Variants in GFRA1 observed in about 807,000 individuals in gnomAD.
The protein encoded by GFRA1 is GDNF family receptor alpha 1.
Under a neutral mutation model 51.6 loss-of-function variants are expected in GFRA1, and 16 were observed. That is an observed-to-expected ratio of 0.31 (90% CI 0.21 to 0.47). The LOEUF is 0.47. GFRA1 is among the 20% of genes least tolerant of loss of function. The pLI is 1.00. For missense variants in GFRA1, 530 were observed against 594.3 expected (o/e 0.89, Z 1.13); for synonymous variants, 270 against 241.3 (o/e 1.12, Z -1.10).
intron 6 of GFRA1, among the ~76,000 whole-genome samples, chr10:116,121,885 G>A (rs1957661547): frequency 1.3e-5 from 2 of 152,124 alleles, no homozygotes; most frequent in African/African-American, 4.8e-5. Flanking sequence ...CGGCCTCACA[G>A]AGATGGATTG....
chr10:116,248,240 G>A lies in GFRA1; in HGVS notation c.418+21263C>T, dbSNP rs150741467. 1.9e-3 allele frequency among the ~76,000 whole-genome samples: 291 copies of A among 152,310 alleles called. 1 individual carries two copies. The highest frequency in any genetic ancestry group is 2.7e-3 in the Non-Finnish European group (184 of 68,026). ...GCAGCCTCAGAGCTGGAGATCACAGGTTCATGGGGCTTTGCCTGCCACTTG... is the reference window on the plus strand; with the variant it reads ...GCAGCCTCAGAGCTGGAGATCACAGATTCATGGGGCTTTGCCTGCCACTTG... On this transcript the variant is annotated intron_variant, in intron 4 of 10. Coordinates refer to ENST00000355422, the MANE Select transcript of GFRA1 (RefSeq NM_005264.8).
intron 5 of GFRA1, among the ~76,000 whole-genome samples, chr10:116,154,735 A>G (rs996875803): frequency 7.2e-5 from 11 of 152,184 alleles, no homozygotes; most frequent in Admixed American, 3.9e-4. Context: ...GTGACTCCTA[A>G]TGCCTTCATC....
At chr10:116,108,535 T>C (rs1957085273) in intron 6 of GFRA1, among the ~76,000 whole-genome samples, 1 of 147,606 alleles carries the variant, frequency 6.8e-6, no homozygotes, top group Non-Finnish European at 1.5e-5. Context: ...CTGCATTTAA[T>C]GTTTCTCCTT....
intron 5 of GFRA1, among the ~76,000 whole-genome samples, chr10:116,206,622 C>CTTTTTTTTTTTT (rs5788142): frequency 1.2e-5 from 1 of 84,494 alleles, no homozygotes; most frequent in Non-Finnish European, 2.2e-5. Context: ...ACCACATTCT[C>CTTTTTTTTTTTT]TTTTTTTTTT....
rs1195878052 is a variant in GFRA1, at chr10:116,057,991, TGTG to T, written c.*6404_*6406del. ...CTGGATCATATAGCCCTCCAATCAT[TGTG>T]TGTGTGTGTGTGTGTGTGTGTGTGT... On this transcript the variant is annotated 3_prime_UTR_variant, in exon 11 of 11. Transcript: ENST00000355422. The T allele has an allele frequency of 6.0e-4, 4 of 6,626 alleles. No individual in the cohort carries two copies. Among genetic ancestry groups the T allele is most frequent in the Non-Finnish European group, 1.8e-3 (4 of 2,244 alleles). The allele number at this position is 6,626 out of a possible 1,614,324, so 0.4% of individuals were successfully genotyped here. A position where few individuals can be genotyped will look rare whatever the true frequency, so the allele number is the denominator to read the frequency against.
chr10:116,115,751 G>GA (rs920702507), intron 6 of GFRA1, among the ~76,000 whole-genome samples: 8 of 151,178 alleles, frequency 5.3e-5, no homozygotes, highest in Admixed American at 1.3e-4. Flanking sequence ...CTGGGAATTA[G>GA]AAAAAAAAAT....
At chr10:116,100,122 G>C (rs1181860727) in intron 6 of GFRA1, among the ~76,000 whole-genome samples, 2 of 152,200 alleles carry the variant, frequency 1.3e-5, no homozygotes, top group African/African-American at 4.8e-5. Flanking sequence ...AGGATGGGTA[G>C]AATTGGTTAG....
chr10:116,232,879 T>A (rs2134576657), intron 4 of GFRA1, among the ~76,000 whole-genome samples: 1 of 152,270 alleles, frequency 6.6e-6, no homozygotes, highest in South Asian at 2.1e-4. Context: ...TCTCATGTGT[T>A]TTTCTGCTTT....
intron 6 of GFRA1, among the ~76,000 whole-genome samples, chr10:116,116,178 T>A (rs1957404931): frequency 6.6e-6 from 1 of 152,298 alleles, no homozygotes; most frequent in Non-Finnish European, 1.5e-5. Context: ...CACTGCAGCC[T>A]CCACCTCCCA....
rs566675366 is a variant in GFRA1, at chr10:116,094,673, C to T, written c.881-837G>A. ...AAGAAGTAATAGGTGGTCAGTAGTC[C>T]GCAGGGTGTATTTGGATCACAAACA... On this transcript the variant is annotated intron_variant, in intron 7 of 10. Coordinates refer to ENST00000355422, the MANE Select transcript of GFRA1 (RefSeq NM_005264.8). 3.3e-5 allele frequency among the ~76,000 whole-genome samples: 5 copies of T among 152,222 alleles called. No individual in the cohort carries two copies. The East Asian group carries it at 7.7e-4, about 24-fold the overall frequency.
chr10:116,189,041 G>A (rs935277580), intron 5 of GFRA1, among the ~76,000 whole-genome samples: 3 of 150,820 alleles, frequency 2.0e-5, no homozygotes. Flanking sequence ...GATTGCTTGA[G>A]GCCAGGAATT....
intron 5 of GFRA1, among the ~76,000 whole-genome samples, chr10:116,166,838 G>C (rs1409865357): frequency 3.3e-5 from 4 of 120,026 alleles, no homozygotes; most frequent in African/African-American, 1.2e-4. Context: ...CTCCCTCTGT[G>C]GCCCAGGCTG....
chr10:116,138,847 T>C (rs1958444336), intron 5 of GFRA1, among the ~76,000 whole-genome samples: 1 of 152,200 alleles, frequency 6.6e-6, no homozygotes, highest in Non-Finnish European at 1.5e-5. Flanking sequence ...ATTCACATGC[T>C]TGCTCTTCAA....
At chr10:116,159,891 T>C (rs1959573325) in intron 5 of GFRA1, among the ~76,000 whole-genome samples, 1 of 152,200 alleles carries the variant, frequency 6.6e-6, no homozygotes, top group African/African-American at 2.4e-5. Context: ...AGCTTATCAA[T>C]CATATAAAAT....
At chr10:116,160,702 C>T (rs530134222) in intron 5 of GFRA1, among the ~76,000 whole-genome samples, 1 of 152,304 alleles carries the variant, frequency 6.6e-6, no homozygotes, top group South Asian at 2.1e-4. Context: ...GGGCAATATA[C>T]GTTTCACAAA....
intron 9 of GFRA1, among the ~76,000 whole-genome samples, chr10:116,075,130 TA>T (rs1955559371): frequency 6.6e-6 from 1 of 152,190 alleles, no homozygotes; most frequent in Non-Finnish European, 1.5e-5. Flanking sequence ...GCAGGTGGCC[TA>T]ATGGCTTTTC....
chr10:116,093,020 G>GTT (rs1565569340), intron 8 of GFRA1, among the ~76,000 whole-genome samples: 1 of 152,150 alleles, frequency 6.6e-6, no homozygotes, highest in Admixed American at 6.5e-5. Flanking sequence ...TTTGGGAAAC[G>GTT]TGTTTCCAAA....
intron 5 of GFRA1, among the ~76,000 whole-genome samples, chr10:116,163,219 C>A (rs1589835782): frequency 6.6e-6 from 1 of 152,158 alleles, no homozygotes; most frequent in Non-Finnish European, 1.5e-5. Context: ...GGGCATAACC[C>A]CGTGCTCCAT....
rs117541541 is a variant in GFRA1, at chr10:116,261,287, C to T, written c.418+8216G>A. Among the ~76,000 whole-genome samples the T allele has an allele frequency of 6.0e-3, 919 of 152,232 alleles. 5 individuals carry two copies. Among genetic ancestry groups the T allele is most frequent in the Non-Finnish European group, 9.6e-3 (655 of 68,020 alleles). ...TCCTAGACAATTTATGTTGCATTGT[C>T]CTATCAATTTATGGAATTCTGCTTT... is the stretch of plus-strand genomic sequence containing the variant. On this transcript the variant is annotated intron_variant, in intron 4 of 10. Transcript: ENST00000355422.
Sources: gnomAD v4.1 joint callset for allele counts (sites outside exome capture counted in the v4.1 genomes callset) on GRCh38, gnomAD v4.1.1 for gene constraint, MANE v1.5 for transcripts, NCBI Gene and HGNC (gene_info 2026-07-23, HGNC 2026-07-21) for gene names.